RGS7BP: variants seen among roughly 807,000 people sequenced by gnomAD.
RGS7BP encodes regulator of G protein signaling 7-binding protein.
Under a neutral mutation model 31.3 loss-of-function variants are expected in RGS7BP, and 9 were observed. The ratio of observed to expected loss-of-function variants is 0.29; its 90% CI spans 0.17 to 0.50. RGS7BP has a LOEUF of 0.50. Among genes scored for constraint, RGS7BP ranks in the 20% least tolerant of loss-of-function variants. The pLI is 0.98. For missense variants in RGS7BP, 274 were observed against 322.0 expected (o/e 0.85, Z 1.14); for synonymous variants, 115 against 120.1 (o/e 0.96, Z 0.28).
At chr5:64,532,252 T>C (rs1318335894) in intron 2 of RGS7BP, among the ~76,000 whole-genome samples, 2 of 152,138 alleles carry the variant, frequency 1.3e-5, no homozygotes, top group Non-Finnish European at 2.9e-5. Flanking sequence ...ATTGCTTAAA[T>C]CTTTTTCTGA....
chr5:64,598,329 A>C, intron 4 of RGS7BP, 36 bp from the exon 5 acceptor site: 4 of 1,179,328 alleles, frequency 3.4e-6, no homozygotes, highest in African/African-American at 1.5e-5. Flanking sequence ...TTGAAAATTT[A>C]CAGCTGATTA....
At chr5:64,550,511 T>C (rs1741766944) in intron 2 of RGS7BP, among the ~76,000 whole-genome samples, 1 of 151,632 alleles carries the variant, frequency 6.6e-6, no homozygotes, top group African/African-American at 2.4e-5. Context: ...CTTTAACATA[T>C]GAATTTGGTG....
chr5:64,560,332 C>T lies in RGS7BP; in HGVS notation c.333-15442C>T, dbSNP rs560441789. 1.1e-4 allele frequency among the ~76,000 whole-genome samples: 17 copies of T among 152,150 alleles called. No individual in the cohort carries two copies. The South Asian group carries it at 3.3e-3, about 30-fold the overall frequency. On this transcript the variant is annotated intron_variant, in intron 2 of 5. Transcript: ENST00000334025. ...CCCCTGACCCACTGAATTGGAAACT[C>T]TAGGGATAGAGCCCTGCATTCTGTG...
At chr5:64,518,443 TA>T (rs1404887704) in intron 2 of RGS7BP, among the ~76,000 whole-genome samples, 1 of 151,766 alleles carries the variant, frequency 6.6e-6, no homozygotes, top group African/African-American at 2.4e-5. Flanking sequence ...GTGAGGAAAA[TA>T]AAACAAGATG....
chr5:64,580,020 C>A (rs973510397), intron 3 of RGS7BP, among the ~76,000 whole-genome samples: 51 of 152,148 alleles, frequency 3.4e-4, no homozygotes, highest in African/African-American at 1.2e-3. Flanking sequence ...TGCCCAGGAA[C>A]CTCTAGTTAA....
At chr5:64,597,031 GTGCC>G (rs1743088086) in intron 4 of RGS7BP, among the ~76,000 whole-genome samples, 1 of 152,088 alleles carries the variant, frequency 6.6e-6, no homozygotes. Flanking sequence ...TAAACCCATG[GTGCC>G]TGCCAATGCT....
At chr5:64,577,611 T>A (rs1742471170) in intron 3 of RGS7BP, among the ~76,000 whole-genome samples, 1 of 152,122 alleles carries the variant, frequency 6.6e-6, no homozygotes, top group African/African-American at 2.4e-5. Context: ...TTTCCATCTT[T>A]ACTTCTGTTA....
intron 2 of RGS7BP, among the ~76,000 whole-genome samples, chr5:64,524,697 C>T (rs143292348): frequency 6.6e-6 from 1 of 152,086 alleles, no homozygotes; most frequent in East Asian, 1.9e-4. Context: ...ATTGTATTAG[C>T]CCCCAAAGAG....
chr5:64,566,252 C>A, intron 2 of RGS7BP, among the ~76,000 whole-genome samples: 1 of 152,080 alleles, frequency 6.6e-6, no homozygotes, highest in South Asian at 2.1e-4. Flanking sequence ...TGATGTGATA[C>A]CCTGGTTCTT....
At chr5:64,573,672 G>A (rs1225676466) in intron 2 of RGS7BP, 1 of 152,106 alleles carries the variant, frequency 6.6e-6, no homozygotes, top group African/African-American at 2.4e-5. Context: ...TATTTATATT[G>A]TTCAAAGTTA....
In RGS7BP at chr5:64,594,724, G is replaced by A. The variant is rs779720325; in HGVS notation, c.478G>A (p.Gly160Arg). 12 of 1,613,508 alleles carry A rather than the reference G, an allele frequency of 7.4e-6. No homozygotes were observed. The highest frequency in any genetic ancestry group is 2.7e-5 in the African/African-American group (2 of 74,874). The change falls in exon 4 of 6, where the codon GGG (glycine) becomes AGG (arginine). Residue 160 changes from glycine to arginine, a missense_variant. Gly to Arg is a moderately radical substitution (Grantham distance 125). Transcript: ENST00000334025. ...QFHRKGKEPG[G>R]GTKSLDCKIE... The stretch of plus-strand genomic sequence containing the variant: ...CCCTCCCTTAGGAAAGGAACCTGGC[G>A]GGGGAACCAAGAGTTTGGATTGCAA...
intron 2 of RGS7BP, among the ~76,000 whole-genome samples, chr5:64,556,420 CACA>C (rs1741927008): frequency 2.8e-5 from 1 of 35,224 alleles, no homozygotes; most frequent in Middle Eastern, 0.013. Flanking sequence ...TCCCCAGCCA[CACA>C]CACACACACA....
intron 2 of RGS7BP, among the ~76,000 whole-genome samples, chr5:64,524,929 A>G (rs1190185783): frequency 6.6e-6 from 1 of 152,086 alleles, no homozygotes. Flanking sequence ...TGGGTTATAT[A>G]GTGAAATGTG....
chr5:64,545,110 A>T (rs1444708027), intron 2 of RGS7BP, among the ~76,000 whole-genome samples: 1 of 151,688 alleles, frequency 6.6e-6, no homozygotes, highest in Non-Finnish European at 1.5e-5. Context: ...CAGGAAGAAG[A>T]GGTTGCAGTG....
At chr5:64,585,381 G>A (rs1297201596) in intron 3 of RGS7BP, among the ~76,000 whole-genome samples, 1 of 152,026 alleles carries the variant, frequency 6.6e-6, no homozygotes, top group Non-Finnish European at 1.5e-5. Context: ...ATTATCTATG[G>A]CAGTGCCTTC....
Position 64,554,908 on chromosome 5 carries a change from T to C in RGS7BP, c.333-20866T>C, listed in dbSNP as rs529406492. On this transcript the variant is annotated intron_variant, in intron 2 of 5. Transcript: ENST00000334025. ...AATGAATATATATATACAAAATATATGATTATTAAAATTAAAACCTAATGG... is the reference window on the plus strand; with the variant it reads ...AATGAATATATATATACAAAATATACGATTATTAAAATTAAAACCTAATGG... 2.0e-5 allele frequency among the ~76,000 whole-genome samples: 3 copies of C among 152,036 alleles called. No individual in the cohort carries two copies. The South Asian group carries it at 6.2e-4, about 32-fold the overall frequency.
chr5:64,531,940 A>G (rs1454839792), intron 2 of RGS7BP, among the ~76,000 whole-genome samples: 1 of 152,148 alleles, frequency 6.6e-6, no homozygotes, highest in African/African-American at 2.4e-5. Flanking sequence ...CTCCTGCTCT[A>G]TCCTTTAGTT....
intron 3 of RGS7BP, among the ~76,000 whole-genome samples, chr5:64,590,952 AG>A (rs1742897868): frequency 6.6e-6 from 1 of 152,144 alleles, no homozygotes; most frequent in Non-Finnish European, 1.5e-5. Flanking sequence ...CACATACAAA[AG>A]TAAATTACAG....
rs1381097703 is a variant in RGS7BP at position 64,549,086 on chromosome 5, A to G, written c.333-26688A>G. On this transcript the variant is annotated intron_variant, in intron 2 of 5. Coordinates refer to ENST00000334025, the MANE Select transcript of RGS7BP (RefSeq NM_001029875.3). ...CATTCCAGCATCACCTCTAAATTTT[A>G]AAGTCCAAGGTCTCATCTAAATAAC... Among the ~76,000 whole-genome samples the G allele has an allele frequency of 2.0e-5, 3 of 152,292 alleles. No individual in the cohort carries two copies. In the East Asian group the frequency reaches 5.8e-4, roughly 29 times the overall value.
Sources: gnomAD v4.1 joint callset for allele counts (sites outside exome capture counted in the v4.1 genomes callset) on GRCh38, gnomAD v4.1.1 for gene constraint, MANE v1.5 for transcripts, NCBI Gene and HGNC (gene_info 2026-07-23, HGNC 2026-07-21) for gene names.